Variants in HGF observed in about 807,000 individuals in gnomAD.
HGF encodes the protein fibroblast-derived tumor cytotoxic factor.
HGF carries 39 observed loss-of-function variants against 111.6 expected under a neutral mutation model. The observed-to-expected ratio is 0.35, with a 90% CI of 0.27 to 0.46. The LOEUF (loss-of-function observed/expected upper bound fraction) is 0.46. HGF is among the 20% of genes least tolerant of loss of function. HGF has a pLI of 1.00. For missense variants in HGF, 735 were observed against 910.5 expected, an observed-to-expected ratio of 0.81 and a Z score of 2.48; for synonymous variants, 285 against 294.8, an observed-to-expected ratio of 0.97 and a Z score of 0.34.
chr7:81,703,154 G>A (rs1231089519), intron 17 of HGF, among the ~76,000 whole-genome samples: 14 of 150,892 alleles, frequency 9.3e-5, no homozygotes, highest in Non-Finnish European at 1.5e-4. Flanking sequence ...GGAACATGTA[G>A]AAAAATACAA....
Position 81,705,597 on chromosome 7 carries a change from T to C in HGF, c.1864+50A>G, listed in dbSNP as rs878880281. The C allele has an allele frequency of 3.7e-6, 6 of 1,600,770 alleles. No individual in the cohort carries two copies. The South Asian group carries it at 6.6e-5, about 18-fold the overall frequency. On this transcript the variant is annotated intron_variant, in intron 16 of 17. Coordinates refer to ENST00000222390, the MANE Select transcript of HGF (RefSeq NM_000601.6). ...AAGTAAGAAACAAAGACAAATGTGT[T>C]CTTTTTAAAATAAAATAAATATGGC...
rs1340732839 is a variant in HGF, at chr7:81,725,943, A to T, written c.1115T>A (p.Ile372Asn). The change falls in exon 9 of 18, where the codon ATC (isoleucine) becomes AAC (asparagine). Residue 372 changes from isoleucine to asparagine, a missense_variant. Physicochemically the swap from Ile to Asn is moderately radical, Grantham distance 149. Transcript: ENST00000222390. ...SPWCFTTDPN[I>N]RVGYCSQIPN... ...AATTTGGGAGCAGTAGCCAACTCGGATGTTTGGATCAGTGGTAAAACACCA... is the reference window on the plus strand; with the variant it reads ...AATTTGGGAGCAGTAGCCAACTCGGTTGTTTGGATCAGTGGTAAAACACCA... 30 of 1,613,884 alleles carry T rather than the reference A, an allele frequency of 1.9e-5. No individual in the cohort carries two copies. The highest frequency in any genetic ancestry group is 1.4e-5 in the Non-Finnish European group (17 of 1,179,928).
In HGF at chr7:81,701,021, G is replaced by A. The variant is rs559424345; in HGVS notation, c.*1560C>T. ...CACCATTCAAAAAATTATTTTTAAA[G>A]GTGTTTTGTACAGGAAGATTTCTGC... On this transcript the variant is annotated 3_prime_UTR_variant, in exon 18 of 18. Coordinates refer to ENST00000222390, the MANE Select transcript of HGF (RefSeq NM_000601.6). The A allele has an allele frequency of 2.2e-4, 34 of 151,668 alleles. No homozygotes were observed. The highest frequency in any genetic ancestry group is 2.2e-3 in the Admixed American group (33 of 15,166). The allele number at this position is 151,668 out of a possible 1,614,324, so 9.4% of individuals were successfully genotyped here.
intron 5 of HGF, among the ~76,000 whole-genome samples, chr7:81,748,196 A>G (rs1788354208): frequency 6.6e-6 from 1 of 152,172 alleles, no homozygotes; most frequent in Non-Finnish European, 1.5e-5. Context: ...ACTTTATGAT[A>G]TACTGATAGC....
intron 1 of HGF, 111 bp from the exon 2 acceptor site, chr7:81,762,983 A>C: frequency 1.5e-6 from 1 of 687,946 alleles, no homozygotes; most frequent in South Asian, 1.8e-5. Context: ...TTACTTGACA[A>C]TATACTAGAT....
intron 11 of HGF, among the ~76,000 whole-genome samples, chr7:81,715,015 T>C (rs1272687718): frequency 6.6e-6 from 1 of 152,158 alleles, no homozygotes; most frequent in African/African-American, 2.4e-5. Context: ...ACTTTTAGTT[T>C]AAAAATATTA....
chr7:81,728,474 T>A (rs1292584720), intron 8 of HGF, among the ~76,000 whole-genome samples: 1 of 152,230 alleles, frequency 6.6e-6, no homozygotes, highest in South Asian at 2.1e-4. Context: ...CTTTGTCCCT[T>A]ATAACTAATA....
chr7:81,727,679 T>C (rs929453579), intron 8 of HGF, among the ~76,000 whole-genome samples: 2 of 152,086 alleles, frequency 1.3e-5, no homozygotes, highest in African/African-American at 4.8e-5. Flanking sequence ...AGAGATGGAG[T>C]CACCCTTTGT....
At chr7:81,729,062 A>G (rs144270478) in intron 8 of HGF, among the ~76,000 whole-genome samples, 2,852 of 12,376 alleles carry the variant, frequency 0.23, 1,152 homozygotes, top group African/African-American at 0.42. Context: ...CATCTACACA[A>G]TTGATTTGCT....
At chr7:81,710,913 G>GT (rs1205560217) in intron 12 of HGF, among the ~76,000 whole-genome samples, 1 of 152,070 alleles carries the variant, frequency 6.6e-6, no homozygotes, top group African/African-American at 2.4e-5. Context: ...ACAGCAGGTG[G>GT]TATTCTAAAT....
At chr7:81,727,571 C>A (rs1174855630) in intron 8 of HGF, among the ~76,000 whole-genome samples, 1 of 59,348 alleles carries the variant, frequency 1.7e-5, no homozygotes, top group East Asian at 5.6e-4. Flanking sequence ...GCAATTTATA[C>A]TTACATTTTT....
At chr7:81,740,171 A>G (rs1352145590) in intron 7 of HGF, among the ~76,000 whole-genome samples, 1 of 152,206 alleles carries the variant, frequency 6.6e-6, no homozygotes, top group Non-Finnish European at 1.5e-5. Context: ...CAGTTAGTAT[A>G]TGATAAAACA....
In HGF at chr7:81,702,598, T is replaced by C. The variant is rs1467606077; in HGVS notation, c.2170A>G (p.Lys724Glu). 1 of 1,610,650 alleles carries C rather than the reference T, an allele frequency of 6.2e-7. No individual in the cohort carries two copies. Among genetic ancestry groups the C allele is most frequent in the East Asian group, 2.2e-5 (1 of 44,802 alleles). ...KWIHKIILTY[K>E]VPQS ...TACTTCAGCTATGACTGTGGTACCT[T>C]ATATGTTAAAATAATTTTGTGTATC... Residue 724 changes from lysine to glutamate, a missense_variant, in exon 18 of 18, where the codon AAG (lysine) becomes GAG (glutamate). Physicochemically the swap from Lys to Glu is moderately conservative, Grantham distance 56 (BLOSUM62 1). Coordinates refer to ENST00000222390, the MANE Select transcript of HGF (RefSeq NM_000601.6).
At chr7:81,741,904 C>T (rs942231720) in intron 7 of HGF, among the ~76,000 whole-genome samples, 3 of 131,174 alleles carry the variant, frequency 2.3e-5, no homozygotes, top group African/African-American at 8.6e-5. Context: ...TGCCATTGCA[C>T]TCCAGCTTGG....
intron 4 of HGF, chr7:81,756,957 T>C (rs1788804029): frequency 1.7e-6 from 1 of 582,370 alleles, no homozygotes; most frequent in South Asian, 2.1e-5. Context: ...AATACCGAGA[T>C]CTACAAATTG....
chr7:81,755,470 A>G (rs1441161950), intron 4 of HGF: 1 of 152,236 alleles, frequency 6.6e-6, no homozygotes, highest in Non-Finnish European at 1.5e-5. Context: ...GGAAGTGTTC[A>G]TTGGTAAAAG....
intron 7 of HGF, among the ~76,000 whole-genome samples, chr7:81,737,392 G>C (rs1787866474): frequency 6.6e-6 from 1 of 152,014 alleles, no homozygotes; most frequent in African/African-American, 2.4e-5. Context: ...CTCTTAAGGG[G>C]ACCATATCAG....
At chr7:81,717,206 A>T (rs781429609) in intron 11 of HGF, 26 bp downstream of exon 11, 1 of 1,608,334 alleles carries the variant, frequency 6.2e-7, no homozygotes, top group African/African-American at 1.3e-5. Context: ...ATATTTCACA[A>T]GACACCAATC....
intron 9 of HGF, among the ~76,000 whole-genome samples, chr7:81,722,259 G>A (rs1789884035): frequency 6.6e-6 from 1 of 151,518 alleles, no homozygotes; most frequent in South Asian, 2.1e-4. Context: ...TTTTAATTGA[G>A]CAATTTGTGT....
Sources: gnomAD v4.1 joint callset for allele counts (sites outside exome capture counted in the v4.1 genomes callset) on GRCh38, gnomAD v4.1.1 for gene constraint, MANE v1.5 for transcripts, NCBI Gene and HGNC (gene_info 2026-07-23, HGNC 2026-07-21) for gene names.